The following MARCHF1 variants were observed in gnomAD, a reference collection of about 807,000 sequenced individuals.
The protein encoded by MARCHF1 is membrane associated ring-CH-type finger 1.
Under a neutral mutation model 54.2 loss-of-function variants are expected in MARCHF1, and 40 were observed. The ratio of observed to expected loss-of-function variants is 0.74; its 90% CI spans 0.57 to 0.96. The LOEUF (loss-of-function observed/expected upper bound fraction) is 0.96. Among genes scored for constraint, MARCHF1 ranks in the 40% least tolerant of loss-of-function variants. The pLI is 0.00. For synonymous variants in MARCHF1, 236 were observed against 236.3 expected (o/e 1.00, Z 0.01); for missense variants, 586 against 656.5 (o/e 0.89, Z 1.17).
At chr4:163,836,759 G>GTGC (rs1553957070) in intron 4 of MARCHF1, among the ~76,000 whole-genome samples, 26 of 145,440 alleles carry the variant, frequency 1.8e-4, no homozygotes, top group Non-Finnish European at 3.0e-4. Context: ...GATACCAAGT[G>GTGC]CGCCATTGGC....
In MARCHF1 at chr4:164,289,233, G is replaced by A. The variant is rs80091611; in HGVS notation, c.-323+94637C>T. Among the ~76,000 whole-genome samples the A allele has an allele frequency of 1.4e-3, 207 of 152,100 alleles. 2 individuals are homozygous for A. Among genetic ancestry groups the A allele is most frequent in the African/African-American group, 4.8e-3 (198 of 41,562 alleles). ...ATTAGAGTCTAATGATAAATGAAAA[G>A]TGGCATCCACTCTTGATGCTGTGTG... On this transcript the variant is annotated intron_variant, in intron 1 of 9. Coordinates refer to ENST00000514618, the MANE Select transcript of MARCHF1 (RefSeq NM_001394959.1).
At chr4:163,711,020 T>C (rs991495015) in intron 4 of MARCHF1, among the ~76,000 whole-genome samples, 16 of 152,044 alleles carry the variant, frequency 1.1e-4, no homozygotes, top group African/African-American at 3.6e-4. Context: ...ACAAAAAACT[T>C]GCCACACCTC....
intron 1 of MARCHF1, among the ~76,000 whole-genome samples, chr4:164,121,746 G>T (rs1007757100): frequency 2.0e-5 from 3 of 152,090 alleles, no homozygotes; most frequent in African/African-American, 7.2e-5. Context: ...TGGCCTCACT[G>T]TTGAATTCCA....
At chr4:163,903,486 T>C (rs1750985158) in intron 3 of MARCHF1, among the ~76,000 whole-genome samples, 2 of 152,230 alleles carry the variant, frequency 1.3e-5, no homozygotes, top group African/African-American at 4.8e-5. Flanking sequence ...AGATGATTTG[T>C]ATGTTTTAAA....
intron 2 of MARCHF1, among the ~76,000 whole-genome samples, chr4:164,024,683 G>A (rs2110976237): frequency 6.6e-6 from 1 of 152,070 alleles, no homozygotes; most frequent in East Asian, 1.9e-4. Flanking sequence ...ACATAATCAA[G>A]TCTACAAAAC....
At chr4:164,324,723 G>C (rs1462979276) in intron 1 of MARCHF1, among the ~76,000 whole-genome samples, 1 of 151,184 alleles carries the variant, frequency 6.6e-6, no homozygotes, top group Non-Finnish European at 1.5e-5. Flanking sequence ...ATTTGCAAGA[G>C]CAACAAAAAT....
At chr4:164,045,850 A>T (rs1260547681) in intron 2 of MARCHF1, among the ~76,000 whole-genome samples, 1 of 152,190 alleles carries the variant, frequency 6.6e-6, no homozygotes, top group Non-Finnish European at 1.5e-5. Flanking sequence ...AATTTATTTC[A>T]GTTTTTATAT....
chr4:164,197,853 T>TG, intron 1 of MARCHF1: 2 of 1,334,494 alleles, frequency 1.5e-6, no homozygotes, highest in East Asian at 5.0e-5. Flanking sequence ...ACAAATATTA[T>TG]AATAAAGGGA....
At chr4:163,957,609 C>T (rs1752255904) in intron 3 of MARCHF1, among the ~76,000 whole-genome samples, 1 of 151,980 alleles carries the variant, frequency 6.6e-6, no homozygotes, top group South Asian at 2.1e-4. Context: ...GTAAACTGAA[C>T]TCTTGGTTTC....
intron 1 of MARCHF1, chr4:164,330,083 T>C (rs1735391254): frequency 6.6e-6 from 1 of 151,986 alleles, no homozygotes; most frequent in South Asian, 2.1e-4. Flanking sequence ...AGCAAAATAC[T>C]CTTTGTAAGA....
At chr4:163,957,229 C>G (rs966531652) in intron 3 of MARCHF1, among the ~76,000 whole-genome samples, 1 of 151,838 alleles carries the variant, frequency 6.6e-6, no homozygotes, top group Admixed American at 6.6e-5. Flanking sequence ...TTAAATTTTA[C>G]CATCATTAAT....
intron 3 of MARCHF1, among the ~76,000 whole-genome samples, chr4:163,895,849 C>T (rs1750794467): frequency 6.6e-6 from 1 of 152,148 alleles, no homozygotes; most frequent in Admixed American, 6.5e-5. Flanking sequence ...TAAGCCTCCT[C>T]AGCACTTACT....
At chr4:164,235,107 G>C (rs977541731) in intron 1 of MARCHF1, among the ~76,000 whole-genome samples, 1 of 151,722 alleles carries the variant, frequency 6.6e-6, no homozygotes, top group Non-Finnish European at 1.5e-5. Context: ...GTTCCCCCAG[G>C]CCTCTTCTTT....
At chr4:163,669,826 T>C (rs1743668802) in intron 5 of MARCHF1, among the ~76,000 whole-genome samples, 10 of 152,142 alleles carry the variant, frequency 6.6e-5, no homozygotes. Flanking sequence ...CTTGAACTTC[T>C]GAGCTCAAGC....
intron 1 of MARCHF1, among the ~76,000 whole-genome samples, chr4:164,365,248 C>A (rs924907): frequency 0.62 from 94,792 of 151,824 alleles, 30,130 homozygotes; most frequent in Admixed American, 0.71. Context: ...AAAGTGAATT[C>A]GAGAAAAATG....
At chr4:163,724,040 C>T (rs1287954298) in intron 4 of MARCHF1, among the ~76,000 whole-genome samples, 1 of 152,108 alleles carries the variant, frequency 6.6e-6, no homozygotes, top group Non-Finnish European at 1.5e-5. Context: ...AGTCATTCTC[C>T]ATCCAGCTTT....
chr4:164,028,559 T>C (rs529595120), intron 2 of MARCHF1, among the ~76,000 whole-genome samples: 1 of 152,190 alleles, frequency 6.6e-6, no homozygotes, highest in African/African-American at 2.4e-5. Context: ...CAACAGACAC[T>C]GCAAACTACT....
At chr4:164,085,297 CA>C (rs1040946807) in intron 2 of MARCHF1, among the ~76,000 whole-genome samples, 1 of 151,448 alleles carries the variant, frequency 6.6e-6, no homozygotes, top group African/African-American at 2.4e-5. Flanking sequence ...CTAGATAAAC[CA>C]AAAATATTAG....
chr4:163,600,102 C>A (rs1452324592), intron 7 of MARCHF1, among the ~76,000 whole-genome samples: 1 of 152,048 alleles, frequency 6.6e-6, no homozygotes, highest in Non-Finnish European at 1.5e-5. Context: ...CTCAAGTAGA[C>A]CTCCTGTTCC....
Sources: gnomAD v4.1 joint callset for allele counts (sites outside exome capture counted in the v4.1 genomes callset) on GRCh38, gnomAD v4.1.1 for gene constraint, MANE v1.5 for transcripts, NCBI Gene and HGNC (gene_info 2026-07-23, HGNC 2026-07-21) for gene names.